Variants in GABRA5 observed in about 807,000 individuals in gnomAD.
GABRA5 encodes the protein gamma-aminobutyric acid type A receptor subunit alpha5, also known as gamma-aminobutyric acid receptor subunit alpha-5.
In GABRA5, 18 loss-of-function variants were observed where a neutral mutation model predicts 47.3. The ratio of observed to expected loss-of-function variants is 0.38; its 90% CI spans 0.26 to 0.56. GABRA5 has a LOEUF of 0.56. Ranked by LOEUF, GABRA5 falls within the 20% of genes least tolerant of loss-of-function variation. The probability of loss-of-function intolerance (pLI) is 0.71; values close to 1 mark genes in which losing one functional copy is unlikely to be tolerated. For missense variants in GABRA5, 365 were observed against 599.3 expected (o/e 0.61, Z 4.08); for synonymous variants, 237 against 229.3 (o/e 1.03, Z -0.30).
At chr15:26,930,679 T>C (rs1201335881) in intron 7 of GABRA5, among the ~76,000 whole-genome samples, 1 of 152,060 alleles carries the variant, frequency 6.6e-6, no homozygotes, top group Non-Finnish European at 1.5e-5. Context: ...CTCTCCTCTT[T>C]TCTTTCTGGG....
chr15:26,904,783 AG>A (rs1412099861), intron 6 of GABRA5, among the ~76,000 whole-genome samples: 2 of 152,110 alleles, frequency 1.3e-5, no homozygotes, highest in Non-Finnish European at 2.9e-5. Flanking sequence ...CCTGATGTAT[AG>A]GAATGCTACT....
chr15:26,877,997 C>T (rs1357708727), intron 3 of GABRA5, among the ~76,000 whole-genome samples: 1 of 152,220 alleles, frequency 6.6e-6, no homozygotes, highest in East Asian at 1.9e-4. Flanking sequence ...AGCAGAGCTC[C>T]TGGGCTGTAC....
intron 7 of GABRA5, among the ~76,000 whole-genome samples, chr15:26,934,927 A>C (rs1318580400): frequency 1.3e-5 from 2 of 152,168 alleles, no homozygotes; most frequent in African/African-American, 4.8e-5. Flanking sequence ...TGCGAGTGAA[A>C]ATGTTTCAGA....
chr15:26,884,478 GAAA>G (rs1220770607), intron 6 of GABRA5, among the ~76,000 whole-genome samples: 3 of 151,696 alleles, frequency 2.0e-5, no homozygotes, highest in Non-Finnish European at 1.5e-5. Context: ...TTTTTAAATT[GAAA>G]AAAACAGCAT....
At position 26,893,259 on chromosome 15, in the gene GABRA5, T is replaced by C. The variant is rs552974886; in HGVS notation, c.497+9702T>C. Among the ~76,000 whole-genome samples the C allele has an allele frequency of 5.7e-4, 85 of 148,336 alleles. 1 individual carries two copies. The highest frequency in any genetic ancestry group is 2.0e-3 in the African/African-American group (79 of 39,966). On this transcript the variant is annotated intron_variant, in intron 6 of 10. Coordinates refer to ENST00000335625, the MANE Select transcript of GABRA5 (RefSeq NM_000810.4). ...TGGCGTGAGTGTATATGGTGTGTTG[T>C]GTGTGTATGGTGTGTGTGTATGGCA...
chr15:26,944,176 T>C (rs1268200434), intron 10 of GABRA5, among the ~76,000 whole-genome samples: 1 of 152,186 alleles, frequency 6.6e-6, no homozygotes, highest in African/African-American at 2.4e-5. Context: ...AAGGGAGTCC[T>C]GGAAGGCATT....
At chr15:26,938,986 C>G (rs961970754) in intron 8 of GABRA5, among the ~76,000 whole-genome samples, 4 of 152,366 alleles carry the variant, frequency 2.6e-5, no homozygotes, top group African/African-American at 9.6e-5. Context: ...GACCACTACT[C>G]TGACAGACAG....
At chr15:26,870,962 G>A (rs28450497) in intron 3 of GABRA5, among the ~76,000 whole-genome samples, 64,365 of 151,852 alleles carry the variant, frequency 0.42, 13,792 homozygotes, top group East Asian at 0.46. Flanking sequence ...GAGGCCAAGC[G>A]GGGGGCGGAT....
chr15:26,875,401 C>T (rs557779902), intron 3 of GABRA5, among the ~76,000 whole-genome samples: 54 of 152,352 alleles, frequency 3.5e-4, no homozygotes, highest in Middle Eastern at 3.4e-3. Context: ...ATGCACAGAG[C>T]AGAGCAGGGG....
chr15:26,878,680 A>G (rs1450774760), intron 3 of GABRA5, among the ~76,000 whole-genome samples: 2 of 152,210 alleles, frequency 1.3e-5, no homozygotes, highest in African/African-American at 4.8e-5. Context: ...ATAAAGGCAA[A>G]AGGCAGTATG....
At chr15:26,939,339 A>G (rs749341712) in intron 8 of GABRA5, 2 of 765,300 alleles carry the variant, frequency 2.6e-6, no homozygotes, top group Non-Finnish European at 4.8e-6. Context: ...GGGCATCGCC[A>G]ATGAAATGCC....
intron 6 of GABRA5, among the ~76,000 whole-genome samples, chr15:26,898,973 T>G (rs1258590338): frequency 6.6e-6 from 1 of 152,096 alleles, no homozygotes; most frequent in Non-Finnish European, 1.5e-5. Context: ...TGGGCTCAAG[T>G]GATCCTCCCA....
intron 6 of GABRA5, among the ~76,000 whole-genome samples, chr15:26,895,702 A>G (rs964123432): frequency 1.3e-5 from 2 of 151,554 alleles, no homozygotes; most frequent in African/African-American, 4.9e-5. Context: ...AATCCCAGCT[A>G]CTCGGGAGGC....
At chr15:26,931,323 G>A (rs1299143137) in intron 7 of GABRA5, among the ~76,000 whole-genome samples, 1 of 152,144 alleles carries the variant, frequency 6.6e-6, no homozygotes, top group Non-Finnish European at 1.5e-5. Flanking sequence ...CAAGGTGCTG[G>A]CAGATTTGAT....
intron 6 of GABRA5, among the ~76,000 whole-genome samples, chr15:26,908,394 A>G (rs1893496302): frequency 6.6e-6 from 1 of 152,302 alleles, no homozygotes; most frequent in South Asian, 2.1e-4. Flanking sequence ...AGCCCTGCAC[A>G]GACTTGCAGC....
Position 26,948,341 on chromosome 15 carries a change from A to C in GABRA5, c.*108A>C. 1 of 1,032,172 alleles carries C rather than the reference A, an allele frequency of 9.7e-7. No individual in the cohort carries two copies. The highest frequency in any genetic ancestry group is 1.6e-5 in the African/African-American group (1 of 61,554). The allele number at this position is 1,032,172 out of a possible 1,614,324, so 63.9% of individuals were successfully genotyped here. A position where few individuals can be genotyped will look rare whatever the true frequency, so the allele number is the denominator to read the frequency against. The stretch of plus-strand genomic sequence containing the variant: ...ATATGTGAGCACTATCTTTCAGGAA[A>C]TTTTTGCATGTTTAATAATATGTAC... On this transcript the variant is annotated 3_prime_UTR_variant, in exon 11 of 11. Transcript: ENST00000335625.
Position 26,883,636 on chromosome 15 carries a change from C to A in GABRA5, c.497+79C>A. On this transcript the variant is annotated intron_variant, in intron 6 of 10. Transcript: ENST00000335625. The surrounding 1 kb of genome is among the most constrained non-coding windows in gnomAD (Gnocchi z 4.8). ...GCTGCCCATCCTGCCGCAAGAGCTG[C>A]GCCGCGGAGCTGTTCTGACCATAGG... 9 of 1,143,846 alleles carry A rather than the reference C, an allele frequency of 7.9e-6. No homozygotes were observed. Among genetic ancestry groups the A allele is most frequent in the Non-Finnish European group, 9.6e-6 (8 of 831,038 alleles). The allele number at this position is 1,143,846 out of a possible 1,614,324, so 70.9% of individuals were successfully genotyped here.
At chr15:26,888,825 T>C (rs2140263559) in intron 6 of GABRA5, among the ~76,000 whole-genome samples, 1 of 152,318 alleles carries the variant, frequency 6.6e-6, no homozygotes, top group Middle Eastern at 3.4e-3. Flanking sequence ...TTAGGGAATG[T>C]CCCCCTGGTC....
chr15:26,938,175 A>C (rs969290407), intron 8 of GABRA5, among the ~76,000 whole-genome samples: 3 of 152,234 alleles, frequency 2.0e-5, no homozygotes, highest in African/African-American at 7.2e-5. Context: ...CCTGTTCTGC[A>C]TGCACACACA....
Sources: allele counts gnomAD v4.1 joint callset (sites outside exome capture counted in the v4.1 genomes callset), GRCh38; gene constraint gnomAD v4.1.1; non-coding constraint Gnocchi (gnomAD v3.1); transcripts MANE v1.5; gene names NCBI Gene and HGNC (gene_info 2026-07-23, HGNC 2026-07-21).